The following WDR4 variants were observed in gnomAD, a reference collection of about 807,000 sequenced individuals.
WDR4 encodes WDR4 tRNA N7-guanosine methyltransferase non-catalytic subunit.
A neutral mutation model predicts 48.6 loss-of-function variants in WDR4; 47 were observed. The ratio of observed to expected loss-of-function variants is 0.97; its 90% CI spans 0.77 to 1.23. The LOEUF is 1.23. WDR4 is among the 50% of genes most tolerant of loss of function. The pLI is 0.00. For synonymous variants in WDR4, 268 were observed against 230.0 expected (o/e 1.17, Z -1.49); for missense variants, 606 against 551.6 (o/e 1.10, Z -0.99).
chr21:42,874,721 C>T (rs899455465), intron 2 of WDR4, among the ~76,000 whole-genome samples: 9 of 152,170 alleles, frequency 5.9e-5, no homozygotes, highest in African/African-American at 1.7e-4. Context: ...AGGAGATTCC[C>T]GCCTAATAAA....
intron 9 of WDR4, among the ~76,000 whole-genome samples, chr21:42,852,551 G>A (rs950492583): frequency 6.6e-6 from 1 of 152,234 alleles, no homozygotes; most frequent in African/African-American, 2.4e-5. Context: ...GGGGCCAGCA[G>A]GTGCGACAGG....
chr21:42,849,859 C>CA lies in WDR4; in HGVS notation c.*189dup. 1 of 653,312 alleles carries CA rather than the reference C, an allele frequency of 1.5e-6. No homozygotes were observed. Among genetic ancestry groups the CA allele is most frequent in the Non-Finnish European group, 2.5e-6 (1 of 403,894 alleles). The allele number at this position is 653,312 out of a possible 1,614,324, so 40.5% of individuals were successfully genotyped here. On this transcript the variant is annotated 3_prime_UTR_variant, in exon 11 of 11. Transcript: ENST00000398208. ...CTTCCCTTCAACCAGAAAGGGGGCA[C>CA]AGGCACCCAGCAAGAGCCTGTGCTG... is the stretch of plus-strand genomic sequence containing the variant.
chr21:42,844,585 C>T (rs1375873055), downstream of WDR4, among the ~76,000 whole-genome samples: 3 of 152,204 alleles, frequency 2.0e-5, no homozygotes, highest in Non-Finnish European at 2.9e-5. Context: ...CGGAACCCCA[C>T]GTCGGCTGAG....
intron 3 of WDR4, among the ~76,000 whole-genome samples, chr21:42,869,760 G>A (rs1017884318): frequency 8.6e-5 from 13 of 151,956 alleles, no homozygotes; most frequent in South Asian, 6.2e-4. Flanking sequence ...CTGTAATCCC[G>A]GCACCCTGGG....
In WDR4 at chr21:42,872,933, G is replaced by A. The variant is rs188953834; in HGVS notation, c.296+618C>T. On this transcript the variant is annotated intron_variant, in intron 3 of 10. Coordinates refer to ENST00000398208, the MANE Select transcript of WDR4 (RefSeq NM_018669.6). ...GCCTGGGCAACAAAAGCAAAACTCC[G>A]TCTCAAAAAAATAAAAAAGGAGGAA... Among the ~76,000 whole-genome samples the A allele has an allele frequency of 6.4e-4, 98 of 152,086 alleles. No homozygotes were observed. The South Asian group carries it at 9.6e-3, about 15-fold the overall frequency.
chr21:42,863,651 G>A (rs1345712595), intron 3 of WDR4, 55 bp from the exon 4 acceptor site: 20 of 1,557,440 alleles, frequency 1.3e-5, no homozygotes, highest in East Asian at 2.3e-5. Context: ...CAGGGTCCTC[G>A]ACAGCCTGGC....
At chr21:42,892,763 T>C in the WDR4 span, among the ~76,000 whole-genome samples, 1 of 152,214 alleles carries the variant, frequency 6.6e-6, no homozygotes, top group Non-Finnish European at 1.5e-5. Context: ...GGTATTAGCG[T>C]TGGCAGGGGC....
upstream of WDR4, among the ~76,000 whole-genome samples, chr21:42,880,318 A>G (rs978597514): frequency 6.6e-6 from 1 of 152,068 alleles, no homozygotes; most frequent in African/African-American, 2.4e-5. Flanking sequence ...TCATCCCAAG[A>G]TCCCCAAAAG....
In WDR4 at chr21:42,849,894, A is replaced by C; in HGVS notation, c.*155T>G. On this transcript the variant is annotated 3_prime_UTR_variant, in exon 11 of 11. Coordinates refer to ENST00000398208, the MANE Select transcript of WDR4 (RefSeq NM_018669.6). ...GCAAGAGCCTGTGCTGGTGACACAG[A>C]ATGTTCTTTCTAGAGCCCAGGGGAC... 1.1e-6 allele frequency: 1 copy of C among 895,652 alleles called. No homozygotes were observed. The highest frequency in any genetic ancestry group is 1.7e-6 in the Non-Finnish European group (1 of 600,010). The allele number at this position is 895,652 out of a possible 1,614,324, so 55.5% of individuals were successfully genotyped here. A position where few individuals can be genotyped will look rare whatever the true frequency, so the allele number is the denominator to read the frequency against.
intron 3 of WDR4, among the ~76,000 whole-genome samples, chr21:42,870,514 G>A (rs748843306): frequency 1.3e-4 from 20 of 152,132 alleles, no homozygotes; most frequent in African/African-American, 2.9e-4. Context: ...CAGGCCAGGC[G>A]CAGTGGCTCA....
intron 3 of WDR4, among the ~76,000 whole-genome samples, chr21:42,864,183 C>A (rs541316169): frequency 2.7e-5 from 4 of 149,080 alleles, no homozygotes; most frequent in Admixed American, 1.3e-4. Context: ...TGGATAAATG[C>A]GTGACAAAAT....
downstream of WDR4, among the ~76,000 whole-genome samples, chr21:42,844,745 C>T (rs144505121): frequency 1.3e-3 from 202 of 152,332 alleles, 1 homozygote; most frequent in Admixed American, 2.1e-3. Flanking sequence ...GGGAGGCAGA[C>T]GCCCTGGGAG....
In WDR4 at chr21:42,855,724, G is replaced by GT; in HGVS notation, c.683dup (p.His228GlnfsTer102). Reference sequence around the variant, plus strand: ...CCACCAGCTCCTGCAGACTGGCCAGGTGACAGCAGTGCAGCTGGCGGCCGC... The same window carrying GT: ...CCACCAGCTCCTGCAGACTGGCCAGGTTGACAGCAGTGCAGCTGGCGGCCGC... On this transcript the variant is annotated frameshift_variant, in exon 7 of 11. Transcript: ENST00000398208. LOFTEE classifies it high-confidence loss of function. 1 of 1,555,286 alleles carries GT rather than the reference G, an allele frequency of 6.4e-7. No homozygotes were observed. Among genetic ancestry groups the GT allele is most frequent in the East Asian group, 2.4e-5 (1 of 41,300 alleles).
At chr21:42,892,582 T>C in the WDR4 span, among the ~76,000 whole-genome samples, 126 of 152,120 alleles carry the variant, frequency 8.3e-4, 2 homozygotes, top group African/African-American at 2.9e-3. Flanking sequence ...CCATCTCCGA[T>C]GAAATGCGAA....
chr21:42,852,274 C>A lies in WDR4; in HGVS notation c.1026G>T (p.Gly342=). The A allele has an allele frequency of 6.2e-7, 1 of 1,614,176 alleles. No individual in the cohort carries two copies. The change falls in exon 10 of 11, where the codon GGG becomes GGT. Residue 342 remains glycine (G), a synonymous_variant. Transcript: ENST00000398208. ...VLKKVSGVLR[G]NWAMLEGSAG... is the part of the protein sequence containing the mutation. ...TCTCACCTTCCAGCATGGCCCAGTT[C>A]CCACGAAGAACACCAGAGACTTTCT... is the stretch of plus-strand genomic sequence containing the variant.
chr21:42,859,292 T>C (rs1482470150), intron 6 of WDR4, among the ~76,000 whole-genome samples: 1 of 150,958 alleles, frequency 6.6e-6, no homozygotes, highest in Non-Finnish European at 1.5e-5. Flanking sequence ...GGAAAAAAAA[T>C]GCAGCCCGTA....
chr21:42,856,136 C>A (rs900214527), intron 6 of WDR4, among the ~76,000 whole-genome samples: 4 of 152,204 alleles, frequency 2.6e-5, no homozygotes, highest in African/African-American at 9.6e-5. Flanking sequence ...GGCATAGACA[C>A]GGGCATGCAC....
chr21:42,870,294 T>G (rs563258724), intron 3 of WDR4, among the ~76,000 whole-genome samples: 1 of 152,316 alleles, frequency 6.6e-6, no homozygotes, highest in South Asian at 2.1e-4. Context: ...GAGGTTGCAG[T>G]GAGCCGGGAT....
At chr21:42,867,600 C>T (rs1353451763) in intron 3 of WDR4, among the ~76,000 whole-genome samples, 2 of 152,132 alleles carry the variant, frequency 1.3e-5, no homozygotes, top group African/African-American at 4.8e-5. Context: ...AATCCAAAAT[C>T]CGAAACATTC....
Sources: gnomAD v4.1 joint callset for allele counts (sites outside exome capture counted in the v4.1 genomes callset) on GRCh38, gnomAD v4.1.1 for gene constraint, MANE v1.5 for transcripts, NCBI Gene and HGNC (gene_info 2026-07-23, HGNC 2026-07-21) for gene names.